The following GAS7 variants were observed in gnomAD, a reference collection of about 807,000 sequenced individuals.
The protein encoded by GAS7 is growth arrest specific 7.
Under a neutral mutation model 71.1 loss-of-function variants are expected in GAS7, and 28 were observed. That is an observed-to-expected ratio of 0.39 (90% CI 0.29 to 0.54). The LOEUF is 0.54. GAS7 is among the 20% of genes least tolerant of loss of function. The pLI is 0.62. For synonymous variants in GAS7, 258 were observed against 245.8 expected, an observed-to-expected ratio of 1.05 and a Z score of -0.46; for missense variants, 436 against 627.8, an observed-to-expected ratio of 0.69 and a Z score of 3.27.
intron 1 of GAS7, among the ~76,000 whole-genome samples, chr17:10,080,832 T>C (rs895678627): frequency 3.9e-5 from 6 of 152,226 alleles, no homozygotes; most frequent in Non-Finnish European, 8.8e-5. Context: ...CATCAGATAG[T>C]AAAACTTCTT....
At chr17:10,046,791 AGG>A (rs2072969720) in intron 1 of GAS7, among the ~76,000 whole-genome samples, 2 of 71,446 alleles carry the variant, frequency 2.8e-5, no homozygotes, top group Admixed American at 2.6e-4. Context: ...AAAGAAAGGA[AGG>A]AAGGAAGGAA....
intron 4 of GAS7, among the ~76,000 whole-genome samples, chr17:9,960,627 C>A (rs1005319902): frequency 6.6e-6 from 1 of 152,228 alleles, no homozygotes; most frequent in African/African-American, 2.4e-5. Flanking sequence ...CAGGCCAGCA[C>A]GACCCTGGAC....
chr17:10,155,169 C>T (rs1438956832), intron 1 of GAS7, among the ~76,000 whole-genome samples: 1 of 152,082 alleles, frequency 6.6e-6, no homozygotes, highest in African/African-American at 2.4e-5. Context: ...TGCGTACCAA[C>T]ACACCCAGCT....
At chr17:9,954,616 C>A (rs79066578) in intron 5 of GAS7, among the ~76,000 whole-genome samples, 8,345 of 152,156 alleles carry the variant, frequency 0.055, 258 homozygotes, top group South Asian at 0.082. Flanking sequence ...GACAATTTTT[C>A]CCCCACCCCA....
chr17:9,995,456 C>G (rs1266851459), intron 2 of GAS7, among the ~76,000 whole-genome samples: 1 of 151,644 alleles, frequency 6.6e-6, no homozygotes, highest in Non-Finnish European at 1.5e-5. Context: ...GTATGAACTA[C>G]CTATCAGTGA....
rs1156705866 is a variant in GAS7, at chr17:9,965,997, C to CTTTTT, written c.471+3675_471+3679dup. On this transcript the variant is annotated intron_variant, in intron 4 of 13. Coordinates refer to ENST00000432992, the MANE Select transcript of GAS7 (RefSeq NM_201433.2). Reference sequence around the variant, plus strand: ...CCCCCGACACCCACCCCCCAAAATTCTTTTTTTTTTTTTTTTTTGGAGATG... The same window carrying CTTTTT: ...CCCCCGACACCCACCCCCCAAAATTCTTTTTTTTTTTTTTTTTTTTTTTGGAGATG... 1.4e-3 allele frequency among the ~76,000 whole-genome samples: 166 copies of CTTTTT among 122,932 alleles called. 3 individuals carry two copies. The highest frequency in any genetic ancestry group is 4.7e-3 in the African/African-American group (149 of 31,922). 80.6% of individuals were successfully genotyped at this position (122,932 alleles called of 152,430 possible).
chr17:10,074,644 G>A (rs546606229), intron 1 of GAS7, among the ~76,000 whole-genome samples: 6 of 152,234 alleles, frequency 3.9e-5, no homozygotes, highest in East Asian at 1.9e-4. Flanking sequence ...GAATTGATTC[G>A]GCAGTCTAAA....
Position 9,978,880 on chromosome 17 carries a change from G to C in GAS7, c.385+2924C>G, listed in dbSNP as rs112041468. The stretch of plus-strand genomic sequence containing the variant: ...TGAGGCTCTGGGTCACTCTAGAACT[G>C]AGCTTCCCCACCTCGGCACTAGTAA... On this transcript the variant is annotated intron_variant, in intron 3 of 13. Transcript: ENST00000432992. Among the ~76,000 whole-genome samples, 191 of 152,214 alleles carry C rather than the reference G, an allele frequency of 1.3e-3. 1 individual carries two copies. The highest frequency in any genetic ancestry group is 4.3e-3 in the African/African-American group (177 of 41,536).
intron 2 of GAS7, among the ~76,000 whole-genome samples, chr17:10,009,770 G>C (rs2152187180): frequency 6.6e-6 from 1 of 151,646 alleles, no homozygotes; most frequent in East Asian, 1.9e-4. Context: ...TACTTGGAAG[G>C]CTAAGGTGGA....
chr17:9,925,282 C>T (rs534980088), intron 11 of GAS7, among the ~76,000 whole-genome samples, 194 bp downstream of exon 11: 32 of 152,304 alleles, frequency 2.1e-4, no homozygotes, highest in South Asian at 6.2e-4. Context: ...CCCCCAAAGT[C>T]TCTTTCTTTG....
chr17:10,035,630 C>A (rs890930944), intron 1 of GAS7, among the ~76,000 whole-genome samples: 2 of 152,158 alleles, frequency 1.3e-5, no homozygotes, highest in Admixed American at 1.3e-4. Flanking sequence ...CCTTTCCATG[C>A]AACCTGGACC....
intron 1 of GAS7, among the ~76,000 whole-genome samples, chr17:10,094,244 C>T (rs928510420): frequency 2.0e-4 from 31 of 152,350 alleles, no homozygotes; most frequent in African/African-American, 6.3e-4. Context: ...GTGGTACCCA[C>T]TTACTTAGCA....
At chr17:9,917,386 A>T in intron 13 of GAS7, 45 bp from the exon 14 acceptor site, 2 of 1,334,096 alleles carry the variant, frequency 1.5e-6, no homozygotes, top group Non-Finnish European at 2.2e-6. Context: ...GACGGCGGCC[A>T]AGCCAGGGAG....
At chr17:9,991,875 G>A (rs944543031) in intron 2 of GAS7, among the ~76,000 whole-genome samples, 4 of 151,776 alleles carry the variant, frequency 2.6e-5, no homozygotes, top group Non-Finnish European at 5.9e-5. Context: ...GAGAAACTGA[G>A]AAGACACCTT....
In GAS7 at chr17:9,926,078, G is replaced by C. The variant is rs529954823; in HGVS notation, c.1015-479C>G. 7.2e-5 allele frequency among the ~76,000 whole-genome samples: 11 copies of C among 152,092 alleles called. No individual in the cohort carries two copies. The South Asian group carries it at 2.3e-3, about 32-fold the overall frequency. ...ACCACTGGCATCTCTGTGGTCCTTG[G>C]GTGGCGGCAGTTGGCTGGGCCCAGG... On this transcript the variant is annotated intron_variant, in intron 10 of 13. Coordinates refer to ENST00000432992, the MANE Select transcript of GAS7 (RefSeq NM_201433.2). The surrounding 1 kb of genome is among the most constrained non-coding windows in gnomAD (Gnocchi z 5.0).
At chr17:9,922,382 T>G (rs904955216) in intron 11 of GAS7, among the ~76,000 whole-genome samples, 33 of 152,354 alleles carry the variant, frequency 2.2e-4, no homozygotes, top group East Asian at 5.8e-4. Context: ...GAGAGGAGAC[T>G]GAATTGTGGC....
chr17:9,991,799 G>C (rs2070853131), intron 2 of GAS7, among the ~76,000 whole-genome samples: 1 of 152,010 alleles, frequency 6.6e-6, no homozygotes. Flanking sequence ...AATATGTCTT[G>C]TCACCGAGAC....
intron 2 of GAS7, among the ~76,000 whole-genome samples, chr17:9,985,292 A>G (rs2070603166): frequency 6.6e-6 from 1 of 152,096 alleles, no homozygotes. Flanking sequence ...CCTTTCCAAC[A>G]TGGCACACGG....
At position 10,198,358 on chromosome 17, in the gene GAS7, G is replaced by A. The variant is rs1329093906; in HGVS notation, c.33C>T (p.Pro11=). 1.1e-5 allele frequency: 17 copies of A among 1,597,024 alleles called. No individual in the cohort carries two copies. The highest frequency in any genetic ancestry group is 1.3e-5 in the Non-Finnish European group (15 of 1,178,334). The change falls in exon 1 of 14, where the codon CCC becomes CCT. Residue 11 remains proline (P), a synonymous_variant. Transcript: ENST00000432992. ...CCTGGCCGTGCCGCTCCCCGGAGAA[G>A]GGGTACAGGGTCCGGCAGCGAGCGC... MSGARCRTLY[P]FSGERHGQGL... is the part of the protein sequence containing the mutation.
Sources: gnomAD v4.1 joint callset for allele counts (sites outside exome capture counted in the v4.1 genomes callset) on GRCh38, gnomAD v4.1.1 for gene constraint, Gnocchi (gnomAD v3.1) non-coding constraint, MANE v1.5 for transcripts, NCBI Gene and HGNC (gene_info 2026-07-23, HGNC 2026-07-21) for gene names.